Variants in GTF2B observed in about 807,000 individuals in gnomAD.
The protein encoded by GTF2B is transcription initiation factor IIB.
GTF2B carries 20 observed loss-of-function variants against 34.6 expected under a neutral mutation model. The observed-to-expected ratio is 0.58, with a 90% CI of 0.41 to 0.84. The LOEUF (loss-of-function observed/expected upper bound fraction) is 0.84. Ranked by LOEUF, GTF2B falls within the 40% of genes least tolerant of loss-of-function variation. The pLI, the probability that GTF2B is intolerant of heterozygous loss-of-function variation, is 0.00. For missense variants in GTF2B, 237 were observed against 393.3 expected, an observed-to-expected ratio of 0.60 and a Z score of 3.36; for synonymous variants, 142 against 132.4, an observed-to-expected ratio of 1.07 and a Z score of -0.50.
At chr1:88,867,839 TAGAA>T (rs539107423) in intron 2 of GTF2B, among the ~76,000 whole-genome samples, 3 of 152,318 alleles carry the variant, frequency 2.0e-5, no homozygotes, top group Admixed American at 1.3e-4. Context: ...ATAGTATAAA[TAGAA>T]AGCGCAACAC....
chr1:88,888,198 C>G (rs920929491), intron 1 of GTF2B: 1 of 152,136 alleles, frequency 6.6e-6, no homozygotes, highest in Non-Finnish European at 1.5e-5. Context: ...TTATGGACAT[C>G]AGATACACGT....
intron 2 of GTF2B, among the ~76,000 whole-genome samples, chr1:88,878,866 CA>C (rs1238190978): frequency 2.3e-4 from 35 of 152,180 alleles, no homozygotes; most frequent in African/African-American, 8.0e-4. Flanking sequence ...TGGAGGATGA[CA>C]GATCCATGTG....
intron 6 of GTF2B, among the ~76,000 whole-genome samples, chr1:88,856,295 A>AAAAAAAAAAAAAAAAGG (rs1673313132): frequency 6.7e-6 from 1 of 149,484 alleles, no homozygotes; most frequent in African/African-American, 2.4e-5. Context: ...AAAAAACAAA[A>AAAAAAAAAAAAAAAAGG]AAAAAAAAGG....
chr1:88,873,908 T>C (rs1417206608), intron 2 of GTF2B, among the ~76,000 whole-genome samples: 1 of 152,162 alleles, frequency 6.6e-6, no homozygotes, highest in East Asian at 1.9e-4. Context: ...TACATGCCCA[T>C]GTAAAACTCA....
intron 6 of GTF2B, among the ~76,000 whole-genome samples, chr1:88,854,288 T>C (rs1488115780): frequency 6.6e-6 from 1 of 152,208 alleles, no homozygotes. Context: ...CTACTTATTA[T>C]AGCATACGGA....
At chr1:88,870,226 G>A (rs1673659315) in intron 2 of GTF2B, among the ~76,000 whole-genome samples, 1 of 152,172 alleles carries the variant, frequency 6.6e-6, no homozygotes, top group Admixed American at 6.5e-5. Flanking sequence ...GCGCCAGGCT[G>A]CCAAAATGAC....
intron 1 of GTF2B, 45 bp from the exon 2 acceptor site, chr1:88,887,412 T>C (rs746662405): frequency 7.1e-6 from 8 of 1,129,428 alleles, no homozygotes; most frequent in Non-Finnish European, 1.1e-5. Flanking sequence ...AACCAACATG[T>C]ATCAAATTAA....
At chr1:88,891,422 TA>T in intron 1 of GTF2B, 60 bp downstream of exon 1, 2 of 1,437,494 alleles carry the variant, frequency 1.4e-6, no homozygotes, top group South Asian at 1.2e-5. Context: ...GGAGGCCGCC[TA>T]AAAGCCGGCG....
chr1:88,876,469 C>T (rs1019574317), intron 2 of GTF2B, among the ~76,000 whole-genome samples: 4 of 152,058 alleles, frequency 2.6e-5, no homozygotes, highest in Admixed American at 6.6e-5. Flanking sequence ...CCCAGGAGTT[C>T]GAGATCAGCC....
chr1:88,857,322 T>A lies in GTF2B; in HGVS notation c.701A>T (p.His234Leu). 6.2e-7 allele frequency: 1 copy of A among 1,613,512 alleles called. No individual in the cohort carries two copies. The highest frequency in any genetic ancestry group is 8.5e-7 in the Non-Finnish European group (1 of 1,179,432). ...CAGTTCCACAGCTTTACGGGCTATA[T>A]GTGTAGCTGCCATCTGTACTTGTTT... ...LPKQVQMAATHIARKAVELDL... is the reference protein window; with the variant it reads ...LPKQVQMAATLIARKAVELDL... Residue 234 changes from histidine (H) to leucine (L), a missense_variant, in exon 6 of 7, where the codon CAT becomes CTT. By Grantham distance (99) the His-to-Leu change is moderately conservative. This residue lies in a region of GTF2B where 78 missense variants were observed against 116.6 expected (regional missense o/e 0.67). Transcript: ENST00000370500.
intron 6 of GTF2B, among the ~76,000 whole-genome samples, chr1:88,856,828 G>C (rs185179372): frequency 6.9e-6 from 1 of 144,782 alleles, no homozygotes; most frequent in Non-Finnish European, 1.5e-5. Context: ...TTGAGATGGA[G>C]TCTTGCTCTG....
At chr1:88,857,691 C>CTTTTTTTTTTTTTTTTTTTTTTTT (rs368010048) in intron 5 of GTF2B, among the ~76,000 whole-genome samples, 2 of 108,150 alleles carry the variant, frequency 1.8e-5, no homozygotes, top group African/African-American at 3.6e-5. Flanking sequence ...TTCATCACAC[C>CTTTTTTTTTTTTTTTTTTTTTTTT]TTTTTTTTTG....
intron 1 of GTF2B, chr1:88,888,141 A>C (rs574452421): frequency 6.6e-5 from 10 of 152,338 alleles, no homozygotes; most frequent in African/African-American, 1.9e-4. Context: ...GTATCACTGC[A>C]AATAAGGCCC....
chr1:88,884,710 T>A (rs1674024104), intron 2 of GTF2B, among the ~76,000 whole-genome samples: 1 of 152,250 alleles, frequency 6.6e-6, no homozygotes, highest in Non-Finnish European at 1.5e-5. Flanking sequence ...GACCATTGTT[T>A]TCCTGAGTTA....
In GTF2B at chr1:88,875,136, A is replaced by G. The variant is rs1017900638; in HGVS notation, c.125-11022T>C. On this transcript the variant is annotated intron_variant, in intron 2 of 6. Coordinates refer to ENST00000370500, the MANE Select transcript of GTF2B (RefSeq NM_001514.6). Reference sequence around the variant, plus strand: ...CATTCTTACTGAAATTTTGCATTAGACAATTTTGAAGAGAATGCTGACCAA... The same window carrying G: ...CATTCTTACTGAAATTTTGCATTAGGCAATTTTGAAGAGAATGCTGACCAA... 5.3e-5 allele frequency among the ~76,000 whole-genome samples: 8 copies of G among 152,346 alleles called. No homozygotes were observed. In the East Asian group the frequency reaches 1.5e-3, roughly 29 times the overall value.
At position 88,856,279 on chromosome 1, in the gene GTF2B, A is replaced by AAC. The variant is rs1557652089; in HGVS notation, c.817+926_817+927insGT. Among the ~76,000 whole-genome samples, 7 of 117,664 alleles carry AAC rather than the reference A, an allele frequency of 5.9e-5. No individual in the cohort carries two copies. In the South Asian group the frequency reaches 1.2e-3, roughly 20 times the overall value. The allele number at this position is 117,664 out of a possible 152,430, so 77.2% of individuals were successfully genotyped here. On this transcript the variant is annotated intron_variant, in intron 6 of 6. Coordinates refer to ENST00000370500, the MANE Select transcript of GTF2B (RefSeq NM_001514.6). ...GGGAGACTGTTTCAAAAACAAAAAA[A>AAC]AAAAAAAAAAACAAAAAAAAAAAAG...
chr1:88,856,203 G>C (rs926670846), intron 6 of GTF2B, among the ~76,000 whole-genome samples: 2 of 144,956 alleles, frequency 1.4e-5, no homozygotes, highest in Non-Finnish European at 3.0e-5. Flanking sequence ...GGGAGGTGGA[G>C]GTTGCAGTAA....
chr1:88,867,332 T>A lies in GTF2B; in HGVS notation c.125-3218A>T, dbSNP rs80027745. The stretch of plus-strand genomic sequence containing the variant: ...CCTGTTTCATGACAAGCTCTTTTCA[T>A]TAAATTTATCATAAACACCAGCATG... On this transcript the variant is annotated intron_variant, in intron 2 of 6. Transcript: ENST00000370500. 7.2e-3 allele frequency among the ~76,000 whole-genome samples: 1,093 copies of A among 152,358 alleles called. 10 individuals carry two copies. The highest frequency in any genetic ancestry group is 0.025 in the African/African-American group (1,042 of 41,576).
intron 2 of GTF2B, among the ~76,000 whole-genome samples, chr1:88,870,896 C>CTTTT (rs1022965980): frequency 6.4e-4 from 70 of 109,178 alleles, no homozygotes; most frequent in African/African-American, 8.8e-4. Flanking sequence ...CTTACACAGT[C>CTTTT]TTTTTTTTTT....
Sources: gnomAD v4.1 joint callset for allele counts (sites outside exome capture counted in the v4.1 genomes callset) on GRCh38, gnomAD v4.1.1 for gene constraint, gnomAD v4.1.1 regional missense constraint, MANE v1.5 for transcripts, NCBI Gene and HGNC (gene_info 2026-07-23, HGNC 2026-07-21) for gene names.